SLC12A7: variants seen among roughly 807,000 people sequenced by gnomAD.
SLC12A7 encodes the protein K-Cl cotransporter 4.
In SLC12A7, 100 loss-of-function variants were observed where a neutral mutation model predicts 120.6. That is an observed-to-expected ratio of 0.83 (90% CI 0.71 to 0.98). The LOEUF is 0.98. Ranked by LOEUF, SLC12A7 falls within the 50% of genes least tolerant of loss-of-function variation. SLC12A7 has a pLI of 0.00. For synonymous variants in SLC12A7, 760 were observed against 678.0 expected, an observed-to-expected ratio of 1.12 and a Z score of -1.88; for missense variants, 1,373 against 1,548.1, an observed-to-expected ratio of 0.89 and a Z score of 1.90.
chr5:1,056,494 C>G, intron 22 of SLC12A7: 1 of 660,118 alleles, frequency 1.5e-6, no homozygotes, highest in Non-Finnish European at 1.9e-6. Context: ...GCCTAGAACA[C>G]GCGCACAGAC....
the SLC12A7 span, among the ~76,000 whole-genome samples, chr5:1,147,112 AAAAAC>A: frequency 1.3e-5 from 2 of 151,990 alleles, no homozygotes; most frequent in Non-Finnish European, 2.9e-5. Context: ...TTTGTAAACT[AAAAAC>A]AAAATCCAAA....
chr5:1,094,902 A>G (rs905678105), intron 1 of SLC12A7, among the ~76,000 whole-genome samples: 1 of 152,064 alleles, frequency 6.6e-6, no homozygotes, highest in African/African-American at 2.4e-5. Flanking sequence ...TAATCCTAGC[A>G]GCTGCCCGAG....
intron 1 of SLC12A7, among the ~76,000 whole-genome samples, chr5:1,097,714 G>T (rs1013349900): frequency 6.6e-6 from 1 of 152,142 alleles, no homozygotes; most frequent in Non-Finnish European, 1.5e-5. Context: ...AGAAAAGCAG[G>T]GTGTGGCTGG....
In SLC12A7 at chr5:1,088,973, G is replaced by C; in HGVS notation, c.489+9C>G. On this transcript the variant is annotated intron_variant, in intron 4 of 23. Coordinates refer to ENST00000264930, the MANE Select transcript of SLC12A7 (RefSeq NM_006598.3). ...AAGGCACAGCCACACCTGGCCGGGGGAGACTCACACATGTGCAGCACATGG... is the reference window on the plus strand; with the variant it reads ...AAGGCACAGCCACACCTGGCCGGGGCAGACTCACACATGTGCAGCACATGG... 2 of 1,612,614 alleles carry C rather than the reference G, an allele frequency of 1.2e-6. No individual in the cohort carries two copies. The highest frequency in any genetic ancestry group is 1.1e-5 in the South Asian group (1 of 91,074).
the SLC12A7 span, among the ~76,000 whole-genome samples, chr5:1,138,530 C>T: frequency 6.6e-6 from 1 of 152,236 alleles, no homozygotes; most frequent in African/African-American, 2.4e-5. Context: ...CCTCATAGGG[C>T]CTCCTCCTCT....
At chr5:1,063,571 G>A (rs1047960607) in intron 20 of SLC12A7, among the ~76,000 whole-genome samples, 2 of 151,794 alleles carry the variant, frequency 1.3e-5, no homozygotes, top group Non-Finnish European at 2.9e-5. Flanking sequence ...TGACCACCCC[G>A]CAAGGCCTGG....
chr5:1,052,060 C>A lies in SLC12A7; in HGVS notation c.*300G>T. 2.3e-6 allele frequency: 1 copy of A among 431,818 alleles called. No individual in the cohort carries two copies. The allele number at this position is 431,818 out of a possible 1,614,324, so 26.7% of individuals were successfully genotyped here. On this transcript the variant is annotated 3_prime_UTR_variant, in exon 24 of 24. Transcript: ENST00000264930. ...TTCCAGAAACCAAGGCAAGGGCTCA[C>A]TGGCTTCTTGTGACCTGCGAGAAGA...
intron 17 of SLC12A7, among the ~76,000 whole-genome samples, chr5:1,069,990 C>CACGGCATCACACTTAT (rs1737496863): frequency 8.3e-6 from 1 of 120,874 alleles, no homozygotes; most frequent in African/African-American, 3.9e-5. Context: ...TCACACTTAA[C>CACGGCATCACACTTAT]GCAGCCCCCA....
chr5:1,077,709 TG>T, intron 12 of SLC12A7, 123 bp downstream of exon 12: 1 of 1,053,416 alleles, frequency 9.5e-7, no homozygotes, highest in South Asian at 1.7e-5. Flanking sequence ...AGGGGCAGAA[TG>T]ACCACCATGG....
chr5:1,084,166 G>T (rs535018500), intron 7 of SLC12A7, among the ~76,000 whole-genome samples: 1 of 151,770 alleles, frequency 6.6e-6, no homozygotes, highest in South Asian at 2.1e-4. Flanking sequence ...TCACACTGGG[G>T]ACCGGGGACT....
intron 10 of SLC12A7, 75 bp from the exon 11 acceptor site, chr5:1,078,833 T>TGGGGTGGGGG (rs1738666934): frequency 4.2e-5 from 1 of 23,964 alleles, no homozygotes; most frequent in African/African-American, 9.0e-4. Flanking sequence ...TGGGGTGGGG[T>TGGGGTGGGGG]GGGGTGGGTG....
rs1017896605 is a variant in SLC12A7, at chr5:1,079,685, C to T, written c.1298-189G>A. Among the ~76,000 whole-genome samples the T allele has an allele frequency of 9.9e-5, 15 of 152,284 alleles. No homozygotes were observed. The East Asian group carries it at 1.4e-3, about 14-fold the overall frequency. On this transcript the variant is annotated intron_variant, in intron 9 of 23. Transcript: ENST00000264930. ...GGCTGAGGGGATGCGGGCCCAGGCACGCGGATGAGCACCCACGTCTACTGC... is the reference window on the plus strand; with the variant it reads ...GGCTGAGGGGATGCGGGCCCAGGCATGCGGATGAGCACCCACGTCTACTGC...
the SLC12A7 span, among the ~76,000 whole-genome samples, chr5:1,142,780 G>A: frequency 1.0e-5 from 1 of 99,576 alleles, no homozygotes; most frequent in Non-Finnish European, 2.1e-5. Flanking sequence ...TAGAATACCC[G>A]TGACCATCAG....
upstream of SLC12A7, among the ~76,000 whole-genome samples, chr5:1,116,889 A>G (rs1271238061): frequency 6.6e-6 from 1 of 151,996 alleles, no homozygotes; most frequent in Non-Finnish European, 1.5e-5. Context: ...AGGCCATGCC[A>G]GGGTCCAGAT....
rs1304440723 is a variant in SLC12A7, at chr5:1,057,498, C to G, written c.2999G>C (p.Gly1000Ala). 2 of 1,612,866 alleles carry G rather than the reference C, an allele frequency of 1.2e-6. No individual in the cohort carries two copies. The highest frequency in any genetic ancestry group is 1.7e-5 in the Admixed American group (1 of 59,944). Residue 1000 changes from glycine to alanine, a missense_variant, in exon 22 of 24, where the codon GGT (glycine) becomes GCT (alanine). Coordinates refer to ENST00000264930, the MANE Select transcript of SLC12A7 (RefSeq NM_006598.3). ...CTTCATGCTGAAGAGGTCTTTGAAACCAGATAGGCTGGTGTCTCTGCTCCT... is the reference window on the plus strand; with the variant it reads ...CTTCATGCTGAAGAGGTCTTTGAAAGCAGATAGGCTGGTGTCTCTGCTCCT... ...KYRSRDTSLSGFKDLFSMKPD... is the reference protein window; with the variant it reads ...KYRSRDTSLSAFKDLFSMKPD...
intron 1 of SLC12A7, among the ~76,000 whole-genome samples, chr5:1,096,836 G>A (rs1741281270): frequency 1.3e-5 from 1 of 77,790 alleles, no homozygotes. Context: ...GAAGGAAGGA[G>A]GGAGGGAGGG....
At chr5:1,055,650 C>A (rs1374207434) in intron 22 of SLC12A7, among the ~76,000 whole-genome samples, 1 of 152,244 alleles carries the variant, frequency 6.6e-6, no homozygotes, top group Non-Finnish European at 1.5e-5. Context: ...CCGCCCCGAC[C>A]AAGGGGAGGC....
the SLC12A7 span, among the ~76,000 whole-genome samples, chr5:1,131,907 C>T: frequency 1.9e-4 from 29 of 152,232 alleles, no homozygotes; most frequent in African/African-American, 6.3e-4. Context: ...AAGCTCACTG[C>T]CCCTGGTTCT....
the SLC12A7 span, among the ~76,000 whole-genome samples, chr5:1,136,984 CCAG>C: frequency 1.4e-4 from 19 of 137,378 alleles, 1 homozygote; most frequent in Admixed American, 2.7e-4. Flanking sequence ...TCACACACCA[CCAG>C]GACACACATG....
Sources: allele counts gnomAD v4.1 joint callset (sites outside exome capture counted in the v4.1 genomes callset), GRCh38; gene constraint gnomAD v4.1.1; transcripts MANE v1.5; gene names NCBI Gene and HGNC (gene_info 2026-07-23, HGNC 2026-07-21).